ZNF653: variants seen among roughly 807,000 people sequenced by gnomAD.
ZNF653 encodes the protein zinc finger protein 653.
ZNF653 carries 37 observed loss-of-function variants against 59.9 expected under a neutral mutation model. The ratio of observed to expected loss-of-function variants is 0.62; its 90% CI spans 0.48 to 0.81. The LOEUF is 0.81. Ranked by LOEUF, ZNF653 falls within the 40% of genes least tolerant of loss-of-function variation. ZNF653 has a pLI of 0.00. For synonymous variants in ZNF653, 435 were observed against 371.8 expected (o/e 1.17, Z -1.96); for missense variants, 808 against 881.1 (o/e 0.92, Z 1.05).
In ZNF653 at chr19:11,486,816, G is replaced by C. The variant is rs1251487767; in HGVS notation, c.1408C>G (p.Pro470Ala). 6.2e-7 allele frequency: 1 copy of C among 1,612,212 alleles called. No individual in the cohort carries two copies. Among genetic ancestry groups the C allele is most frequent in the Non-Finnish European group, 8.5e-7 (1 of 1,179,262 alleles). Residue 470 changes from proline to alanine, a missense_variant, in exon 6 of 9, where the codon CCA (proline) becomes GCA (alanine). Coordinates refer to ENST00000293771, the MANE Select transcript of ZNF653 (RefSeq NM_138783.4). The stretch of plus-strand genomic sequence containing the variant: ...TAGACTTGGCTGCAGCCCTCGTATG[G>C]GCAGTGGAACATCTCGAGCAGGCCG... The part of the protein sequence containing the change: ...ADGLLEMFHC[P>A]YEGCSQVYVA...
Position 11,495,817 on chromosome 19 carries a change from C to A in ZNF653, c.559+133G>T. The A allele has an allele frequency of 1.1e-6, 1 of 937,992 alleles. No homozygotes were observed. 58.1% of individuals were successfully genotyped at this position (937,992 alleles called of 1,614,324 possible). A position where few individuals can be genotyped will look rare whatever the true frequency, so the allele number is the denominator to read the frequency against. On this transcript the variant is annotated intron_variant, in intron 3 of 8. Coordinates refer to ENST00000293771, the MANE Select transcript of ZNF653 (RefSeq NM_138783.4). The surrounding 1 kb of genome is among the most constrained non-coding windows in gnomAD (Gnocchi z 4.9). The stretch of plus-strand genomic sequence containing the variant: ...GGACTCAGCCTGGCCCATCGTGTCC[C>A]TGCTCTGCCCCAGTGCCAGAGCCAG...
At chr19:11,485,385 A>AGACC (rs1284362074) in intron 7 of ZNF653, among the ~76,000 whole-genome samples, 1 of 152,096 alleles carries the variant, frequency 6.6e-6, no homozygotes, top group Non-Finnish European at 1.5e-5. Context: ...GTCTCGCATG[A>AGACC]GACCTGCTCT....
At chr19:11,493,789 C>T (rs1369555345) in intron 3 of ZNF653, among the ~76,000 whole-genome samples, 1 of 152,120 alleles carries the variant, frequency 6.6e-6, no homozygotes, top group African/African-American at 2.4e-5. Context: ...GAGGCCAAGG[C>T]AGGAGGATTA....
In ZNF653 at chr19:11,505,708, C is replaced by T; in HGVS notation, c.79G>A (p.Gly27Ser). ...CCCCGCGCCTTTCGGCCCGCTGCGC[C>T]CTCCTCGGCTGCTGCCTCCCCGCCC... ...GAGGEAAAEE[G>S]AAGRKARGRP... The change falls in exon 1 of 9, where the codon GGC becomes AGC. Residue 27 changes from glycine to serine, a missense_variant. Gly to Ser is a moderately conservative substitution (Grantham distance 56). Transcript: ENST00000293771. 6.8e-7 allele frequency: 1 copy of T among 1,479,352 alleles called. No homozygotes were observed. The highest frequency in any genetic ancestry group is 8.9e-7 in the Non-Finnish European group (1 of 1,124,364). 91.6% of individuals were successfully genotyped at this position (1,479,352 alleles called of 1,614,324 possible). A position where few individuals can be genotyped will look rare whatever the true frequency, so the allele number is the denominator to read the frequency against.
At chr19:11,505,437 G>A (rs546073610) in intron 1 of ZNF653, 51 bp downstream of exon 1, 4 of 1,380,564 alleles carry the variant, frequency 2.9e-6, no homozygotes, top group East Asian at 3.1e-5. Flanking sequence ...AAAGCCCGGC[G>A]GGGTCTGGGG....
At chr19:11,504,564 G>A in intron 1 of ZNF653, 1 of 985,364 alleles carries the variant, frequency 1.0e-6, no homozygotes, top group Non-Finnish European at 1.2e-6. Flanking sequence ...TGCTGTCCTG[G>A]GAAAGGGGTG....
chr19:11,488,228 C>T (rs973547597), intron 3 of ZNF653, among the ~76,000 whole-genome samples: 1 of 151,570 alleles, frequency 6.6e-6, no homozygotes, highest in Non-Finnish European at 1.5e-5. Flanking sequence ...CTGCTCACTA[C>T]AAGCTCTGCC....
chr19:11,495,294 C>T lies in ZNF653; in HGVS notation c.559+656G>A, dbSNP rs549324270. Among the ~76,000 whole-genome samples the T allele has an allele frequency of 4.6e-5, 7 of 151,460 alleles. No homozygotes were observed. Among genetic ancestry groups the T allele is most frequent in the African/African-American group, 7.3e-5 (3 of 41,244 alleles). On this transcript the variant is annotated intron_variant, in intron 3 of 8. Coordinates refer to ENST00000293771, the MANE Select transcript of ZNF653 (RefSeq NM_138783.4). This position sits in a 1 kb window ranked among gnomAD's most constrained non-coding sequence, Gnocchi z 4.9. Reference sequence around the variant, plus strand: ...ATGGGAAGGAGAGAGGCAGGGACCGCGAAGGTGGGGAGGGAGGAGGAGAAA... The same window carrying T: ...ATGGGAAGGAGAGAGGCAGGGACCGTGAAGGTGGGGAGGGAGGAGGAGAAA...
chr19:11,499,392 C>T (rs925926213), intron 1 of ZNF653, among the ~76,000 whole-genome samples: 10 of 152,088 alleles, frequency 6.6e-5, no homozygotes, highest in African/African-American at 2.2e-4. Context: ...GGGAACATAT[C>T]TTGTAGGGCA....
intron 1 of ZNF653, chr19:11,505,210 A>C: frequency 2.6e-6 from 1 of 390,524 alleles, no homozygotes; most frequent in Non-Finnish European, 4.6e-6. Context: ...CAGTCCCAGG[A>C]TTGGGCCGCC....
intron 3 of ZNF653, among the ~76,000 whole-genome samples, chr19:11,489,064 T>C (rs1971503359): frequency 6.6e-6 from 1 of 151,510 alleles, no homozygotes; most frequent in Non-Finnish European, 1.5e-5. Flanking sequence ...CACACCTGGC[T>C]AATTTGTGTG....
At position 11,487,897 on chromosome 19, in the gene ZNF653, T is replaced by C. The variant is rs200641080; in HGVS notation, c.566A>G (p.Asn189Ser). The C allele has an allele frequency of 1.7e-5, 27 of 1,588,544 alleles. No homozygotes were observed. In the East Asian group the frequency reaches 2.0e-4, roughly 12 times the overall value. Residue 189 changes from asparagine (N) to serine (S), a missense_variant, in exon 4 of 9, where the codon AAT becomes AGT. Asn to Ser is a conservative substitution (Grantham distance 46). Coordinates refer to ENST00000293771, the MANE Select transcript of ZNF653 (RefSeq NM_138783.4). This position sits in a 1 kb window ranked among gnomAD's most constrained non-coding sequence, Gnocchi z 5.1. ...GTCAGAGCTGCCAGCCACCAGCCCA[T>C]TGCCCACTGTGGGGACAGAAGAAAG... ...DSDPDSDKVG[N>S]GLVAGSSDSS...
intron 3 of ZNF653, among the ~76,000 whole-genome samples, chr19:11,494,271 A>C (rs757606865): frequency 6.6e-6 from 1 of 151,592 alleles, no homozygotes; most frequent in Non-Finnish European, 1.5e-5. Context: ...GCAGTGAGCC[A>C]AGATCGCACC....
rs772444976 is a variant in ZNF653, at chr19:11,487,807, GCAGCC to G, written c.651_655del (p.Lys217AsnfsTer29). 8 of 1,612,266 alleles carry G rather than the reference GCAGCC, an allele frequency of 5.0e-6. No homozygotes were observed. In the Admixed American group the frequency reaches 5.0e-5, roughly 10 times the overall value. ...GGGCGTCGCTGCCGCTGCCGCTGCCGCAGCCTTGACCGGCTGGCCCTCAGGAGACT... is the reference window on the plus strand; with the variant it reads ...GGGCGTCGCTGCCGCTGCCGCTGCCGTTGACCGGCTGGCCCTCAGGAGACT... On this transcript the variant is annotated frameshift_variant, in exon 4 of 9. Coordinates refer to ENST00000293771, the MANE Select transcript of ZNF653 (RefSeq NM_138783.4). LOFTEE classifies it high-confidence loss of function. The surrounding 1 kb of genome is among the most constrained non-coding windows in gnomAD (Gnocchi z 5.1).
Position 11,483,434 on chromosome 19 carries a change from T to A in ZNF653, c.*248A>T. 1.5e-6 allele frequency: 2 copies of A among 1,312,332 alleles called. No individual in the cohort carries two copies. Among genetic ancestry groups the A allele is most frequent in the Non-Finnish European group, 1.9e-6 (2 of 1,030,024 alleles). The allele number at this position is 1,312,332 out of a possible 1,614,324, so 81.3% of individuals were successfully genotyped here. A position where few individuals can be genotyped will look rare whatever the true frequency, so the allele number is the denominator to read the frequency against. ...AGGCCTAGGGGAAGGGCATCTCCTT[T>A]CTCGCTCTTTAATCTCACTCTGCTC... On this transcript the variant is annotated 3_prime_UTR_variant, in exon 9 of 9. Transcript: ENST00000293771.
At chr19:11,504,458 G>A in intron 1 of ZNF653, 2 of 893,258 alleles carry the variant, frequency 2.2e-6, no homozygotes, top group Non-Finnish European at 2.7e-6. Context: ...CTTTGAACAA[G>A]CCATCCCCTC....
intron 7 of ZNF653, among the ~76,000 whole-genome samples, chr19:11,485,421 G>T (rs546411598): frequency 8.0e-4 from 122 of 152,282 alleles, no homozygotes; most frequent in Non-Finnish European, 1.6e-3. Context: ...TGGGGTCGCG[G>T]GGATAGGAGG....
chr19:11,483,791 G>A lies in ZNF653; in HGVS notation c.1739C>T (p.Ala580Val), dbSNP rs1242670821. 1.9e-6 allele frequency: 3 copies of A among 1,612,712 alleles called. No individual in the cohort carries two copies. Among genetic ancestry groups the A allele is most frequent in the South Asian group, 1.1e-5 (1 of 90,928 alleles). ...GCACGTGAAGTTGTACTGCACCTCC[G>A]CAGTGTGCTTCTTCATGTGCCAGTT... ...SLNWHMKKHT[A>V]EVQYNFTCDR... The change falls in exon 9 of 9, where the codon GCG becomes GTG. Residue 580 changes from alanine (A) to valine (V), a missense_variant. Transcript: ENST00000293771.
chr19:11,504,145 T>C (rs986685976), intron 1 of ZNF653, among the ~76,000 whole-genome samples: 1 of 152,036 alleles, frequency 6.6e-6, no homozygotes, highest in African/African-American at 2.4e-5. Flanking sequence ...CTCACGCCTG[T>C]AATCCCAGCA....
Sources: gnomAD v4.1 joint callset for allele counts (sites outside exome capture counted in the v4.1 genomes callset) on GRCh38, gnomAD v4.1.1 for gene constraint, Gnocchi (gnomAD v3.1) non-coding constraint, MANE v1.5 for transcripts, NCBI Gene and HGNC (gene_info 2026-07-23, HGNC 2026-07-21) for gene names.